Variants in ZNF280D observed in about 807,000 individuals in gnomAD.
ZNF280D encodes the protein suppressor of hairy wing homolog 4.
In ZNF280D, 39 loss-of-function variants were observed where a neutral mutation model predicts 94.7. The ratio of observed to expected loss-of-function variants is 0.41; its 90% CI spans 0.32 to 0.54. ZNF280D has a LOEUF of 0.54. Ranked by LOEUF, ZNF280D falls within the 20% of genes least tolerant of loss-of-function variation. The pLI is 0.22. For missense variants in ZNF280D, 1,090 were observed against 1,149.3 expected, an observed-to-expected ratio of 0.95 and a Z score of 0.75; for synonymous variants, 398 against 377.6, an observed-to-expected ratio of 1.05 and a Z score of -0.63.
intron 10 of ZNF280D, among the ~76,000 whole-genome samples, chr15:56,680,393 T>C (rs1015679616): frequency 1.3e-5 from 2 of 152,214 alleles, no homozygotes; most frequent in Non-Finnish European, 2.9e-5. Context: ...TATTATCAGA[T>C]ATAATTTTCT....
Position 56,676,659 on chromosome 15 carries a change from G to A in ZNF280D, c.1410+11C>T. 6.3e-7 allele frequency: 1 copy of A among 1,589,050 alleles called. No homozygotes were observed. Among genetic ancestry groups the A allele is most frequent in the Non-Finnish European group, 8.5e-7 (1 of 1,170,642 alleles). On this transcript the variant is annotated intron_variant, in intron 13 of 21. Coordinates refer to ENST00000267807, the MANE Select transcript of ZNF280D (RefSeq NM_017661.4). ...CAACATAATAAACAAATAAGAACTG[G>A]TAAATCTCACCTGATGCTTCATATA...
intron 10 of ZNF280D, among the ~76,000 whole-genome samples, chr15:56,681,733 A>C (rs2141000727): frequency 6.6e-6 from 1 of 152,276 alleles, no homozygotes; most frequent in African/African-American, 2.4e-5. Context: ...CCAAATTTCT[A>C]AAGCTGTTAA....
chr15:56,671,719 A>G (rs1428404776), intron 13 of ZNF280D, among the ~76,000 whole-genome samples: 2 of 152,018 alleles, frequency 1.3e-5, no homozygotes, highest in African/African-American at 4.8e-5. Flanking sequence ...AAGAATGTCC[A>G]TGGTAGTTTA....
intron 13 of ZNF280D, 99 bp downstream of exon 13, chr15:56,676,571 T>A: frequency 9.1e-7 from 1 of 1,098,582 alleles, no homozygotes; most frequent in Non-Finnish European, 1.3e-6. Context: ...TTGGAACAAC[T>A]CTGCTTCTCT....
At chr15:56,723,465 TG>T (rs1251399234) in intron 1 of ZNF280D, among the ~76,000 whole-genome samples, 1 of 152,198 alleles carries the variant, frequency 6.6e-6, no homozygotes, top group African/African-American at 2.4e-5. Context: ...TGTTGACAGT[TG>T]TACAACACTA....
intron 6 of ZNF280D, chr15:56,698,039 G>A (rs1246756616): frequency 6.6e-6 from 1 of 152,152 alleles, no homozygotes; most frequent in African/African-American, 2.4e-5. Context: ...TGTTTTAATA[G>A]GGTTTTAATT....
intron 1 of ZNF280D, among the ~76,000 whole-genome samples, chr15:56,715,224 T>A (rs768481790): frequency 6.6e-6 from 1 of 152,162 alleles, no homozygotes; most frequent in Non-Finnish European, 1.5e-5. Context: ...AAATACCCTA[T>A]CATGGAAGAA....
At position 56,726,974 on chromosome 15, in the gene ZNF280D, G is replaced by A. The variant is rs138987062; in HGVS notation, c.-86+6484C>T. On this transcript the variant is annotated intron_variant, in intron 1 of 21. Coordinates refer to ENST00000267807, the MANE Select transcript of ZNF280D (RefSeq NM_017661.4). Reference sequence around the variant, plus strand: ...GTGAAACTCAAACAAGTGGTTAGACGTAGAGGCTTTTATACTATTTTAACC... The same window carrying A: ...GTGAAACTCAAACAAGTGGTTAGACATAGAGGCTTTTATACTATTTTAACC... Among the ~76,000 whole-genome samples the A allele has an allele frequency of 1.8e-4, 28 of 152,288 alleles. No individual in the cohort carries two copies. The East Asian group carries it at 4.6e-3, about 25-fold the overall frequency.
In ZNF280D at chr15:56,643,006, C is replaced by T; in HGVS notation, c.2214-9G>A. 1 of 1,479,562 alleles carries T rather than the reference C, an allele frequency of 6.8e-7. No homozygotes were observed. Among genetic ancestry groups the T allele is most frequent in the South Asian group, 1.4e-5 (1 of 73,216 alleles). The allele number at this position is 1,479,562 out of a possible 1,614,324, so 91.7% of individuals were successfully genotyped here. A position where few individuals can be genotyped will look rare whatever the true frequency, so the allele number is the denominator to read the frequency against. On this transcript the variant is annotated splice_polypyrimidine_tract_variant and intron_variant, in intron 19 of 21. Coordinates refer to ENST00000267807, the MANE Select transcript of ZNF280D (RefSeq NM_017661.4). ...GAGCTTCTTTTTTTAATCTTGAAAA[C>T]AAGATAAGTATTGAATATTTTATTT...
At chr15:56,670,815 T>C (rs2054811648) in intron 13 of ZNF280D, among the ~76,000 whole-genome samples, 1 of 152,062 alleles carries the variant, frequency 6.6e-6, no homozygotes, top group Non-Finnish European at 1.5e-5. Context: ...ATAAAAGCAC[T>C]CCTTTGCTCC....
At chr15:56,727,781 GA>G (rs1298094470) in intron 1 of ZNF280D, among the ~76,000 whole-genome samples, 2 of 152,208 alleles carry the variant, frequency 1.3e-5, no homozygotes, top group African/African-American at 4.8e-5. Flanking sequence ...TGATGGTAGT[GA>G]AAATGACTTT....
chr15:56,706,768 A>C (rs898386767), intron 3 of ZNF280D, among the ~76,000 whole-genome samples: 1 of 151,696 alleles, frequency 6.6e-6, no homozygotes, highest in African/African-American at 2.4e-5. Context: ...ATTTTTGAGA[A>C]AAAAAAAATT....
intron 14 of ZNF280D, among the ~76,000 whole-genome samples, chr15:56,668,410 A>G (rs937297135): frequency 6.6e-6 from 1 of 152,094 alleles, no homozygotes. Context: ...ACTGCAACAA[A>G]CATCTGAGAA....
At chr15:56,712,275 A>G (rs1419576444) in intron 1 of ZNF280D, among the ~76,000 whole-genome samples, 1 of 152,222 alleles carries the variant, frequency 6.6e-6, no homozygotes, top group African/African-American at 2.4e-5. Flanking sequence ...TAGAATAAGT[A>G]TCCAATTCAA....
intron 7 of ZNF280D, among the ~76,000 whole-genome samples, chr15:56,690,820 A>G (rs1192876856): frequency 6.6e-6 from 1 of 152,190 alleles, no homozygotes; most frequent in Non-Finnish European, 1.5e-5. Flanking sequence ...TACGGTAACT[A>G]TATTAGAAGT....
Position 56,631,375 on chromosome 15 carries a change from T to A in ZNF280D, c.*123A>T. On this transcript the variant is annotated 3_prime_UTR_variant, in exon 22 of 22. Transcript: ENST00000267807. ...ACATAGGTTGAACATACAGGTAAAGTGTATGTGTGACCTCCCTTACATATT... is the reference window on the plus strand; with the variant it reads ...ACATAGGTTGAACATACAGGTAAAGAGTATGTGTGACCTCCCTTACATATT... The A allele has an allele frequency of 1.0e-6, 1 of 975,034 alleles. No homozygotes were observed. Among genetic ancestry groups the A allele is most frequent in the Non-Finnish European group, 1.5e-6 (1 of 647,866 alleles). The allele number at this position is 975,034 out of a possible 1,614,324, so 60.4% of individuals were successfully genotyped here.
Position 56,690,360 on chromosome 15 carries a change from C to T in ZNF280D, c.500-890G>A, listed in dbSNP as rs150718225. 2.6e-3 allele frequency among the ~76,000 whole-genome samples: 388 copies of T among 151,966 alleles called. 15 individuals carry two copies. The East Asian group carries it at 0.065, about 25-fold the overall frequency. On this transcript the variant is annotated intron_variant, in intron 7 of 21. Coordinates refer to ENST00000267807, the MANE Select transcript of ZNF280D (RefSeq NM_017661.4). ...TCGCGCCACTGCACTCCAGCCTGGG[C>T]AACAGAGCAAGACTCTGTCTCAAAA...
chr15:56,650,016 T>C (rs1267018149), intron 19 of ZNF280D, among the ~76,000 whole-genome samples: 1 of 152,068 alleles, frequency 6.6e-6, no homozygotes, highest in East Asian at 1.9e-4. Flanking sequence ...CATAATGCAA[T>C]ATATACATGA....
intron 1 of ZNF280D, among the ~76,000 whole-genome samples, chr15:56,707,515 G>T (rs1343097987): frequency 6.6e-6 from 1 of 152,120 alleles, no homozygotes; most frequent in African/African-American, 2.4e-5. Context: ...TCGAAGAAAT[G>T]TGATGATTTG....
Sources: allele counts gnomAD v4.1 joint callset (sites outside exome capture counted in the v4.1 genomes callset), GRCh38; gene constraint gnomAD v4.1.1; transcripts MANE v1.5; gene names NCBI Gene and HGNC (gene_info 2026-07-23, HGNC 2026-07-21).